The following WTAP variants were observed in gnomAD, a reference collection of about 807,000 sequenced individuals.
WTAP encodes pre-mRNA-splicing regulator WTAP.
Under a neutral mutation model 50.0 loss-of-function variants are expected in WTAP, and 8 were observed. The ratio of observed to expected loss-of-function variants is 0.16; its 90% CI spans 0.09 to 0.29. WTAP has a LOEUF of 0.29. Ranked by LOEUF, WTAP falls within the 10% of genes least tolerant of loss-of-function variation. The pLI is 1.00. For missense variants in WTAP, 295 were observed against 470.7 expected, an observed-to-expected ratio of 0.63 and a Z score of 3.45; for synonymous variants, 194 against 169.0, an observed-to-expected ratio of 1.15 and a Z score of -1.15.
At chr6:159,754,869 T>G (rs897550686) in intron 7 of WTAP, among the ~76,000 whole-genome samples, 159 bp from the exon 8 acceptor site, 4 of 152,198 alleles carry the variant, frequency 2.6e-5, no homozygotes, top group African/African-American at 9.7e-5. Flanking sequence ...TCAGTCATAT[T>G]TTAAGATTCC....
intron 7 of WTAP, among the ~76,000 whole-genome samples, chr6:159,753,938 A>C (rs972768740): frequency 7.2e-5 from 11 of 152,308 alleles, no homozygotes; most frequent in Admixed American, 5.2e-4. Context: ...TTTGAAAGGG[A>C]GAATAAGCAT....
chr6:159,747,136 C>G (rs1779622698), intron 5 of WTAP, among the ~76,000 whole-genome samples: 1 of 152,014 alleles, frequency 6.6e-6, no homozygotes, highest in African/African-American at 2.4e-5. Context: ...CTATTTAAGC[C>G]TTAGTATGGA....
intron 3 of WTAP, among the ~76,000 whole-genome samples, chr6:159,740,170 G>T (rs1779166542): frequency 6.6e-6 from 1 of 151,702 alleles, no homozygotes; most frequent in Non-Finnish European, 1.5e-5. Context: ...CCTGTCTCTG[G>T]CATTGTATAC....
intron 1 of WTAP, among the ~76,000 whole-genome samples, chr6:159,734,902 C>T (rs1200787415): frequency 6.6e-6 from 1 of 151,454 alleles, no homozygotes; most frequent in Non-Finnish European, 1.5e-5. Flanking sequence ...CACATTTTTT[C>T]TTTGTCTTTT....
At position 159,753,899 on chromosome 6, in the gene WTAP, TAAC is replaced by T. The variant is rs1427838886; in HGVS notation, c.607+288_607+290del. 2.0e-5 allele frequency among the ~76,000 whole-genome samples: 3 copies of T among 152,214 alleles called. No homozygotes were observed. In the East Asian group the frequency reaches 5.8e-4, roughly 29 times the overall value. On this transcript the variant is annotated intron_variant, in intron 7 of 7. Coordinates refer to ENST00000621533, the MANE Select transcript of WTAP (RefSeq NM_001270531.2). Reference sequence around the variant, plus strand: ...AAAGATAAAAGGGTGTTGTATTACTTAACAAGATGGACAAATTTGTATTCATTG... The same window carrying T: ...AAAGATAAAAGGGTGTTGTATTACTTAAGATGGACAAATTTGTATTCATTG...
chr6:159,750,900 G>A (rs958960773), intron 6 of WTAP, among the ~76,000 whole-genome samples: 8 of 152,252 alleles, frequency 5.3e-5, no homozygotes, highest in Non-Finnish European at 8.8e-5. Context: ...GCGTGCACGC[G>A]CACGCACGTG....
intron 7 of WTAP, 34 bp from the exon 8 acceptor site, chr6:159,754,994 G>T: frequency 6.5e-7 from 1 of 1,549,192 alleles, no homozygotes; most frequent in South Asian, 1.2e-5. Context: ...TGTTATAAAC[G>T]ATATTAAAGT....
chr6:159,744,682 G>T (rs576004388), intron 5 of WTAP, among the ~76,000 whole-genome samples: 63 of 152,232 alleles, frequency 4.1e-4, no homozygotes, highest in African/African-American at 1.5e-3. Context: ...TTTGCTAAAG[G>T]CTGGCTTTTA....
At chr6:159,729,555 TATG>T (rs1337739876) in intron 1 of WTAP, among the ~76,000 whole-genome samples, 1 of 147,768 alleles carries the variant, frequency 6.8e-6, no homozygotes, top group Non-Finnish European at 1.5e-5. Flanking sequence ...ATGTTCATAT[TATG>T]TTCATATTTT....
At chr6:159,752,379 A>G (rs1335621364) in intron 6 of WTAP, among the ~76,000 whole-genome samples, 1 of 152,176 alleles carries the variant, frequency 6.6e-6, no homozygotes, top group Non-Finnish European at 1.5e-5. Flanking sequence ...ATAAATAATT[A>G]CAAGAACAAG....
rs373161821 is a variant in WTAP, at chr6:159,755,405, G to A, written c.985G>A (p.Val329Ile). ...ERTGRGGSGYVNQLSAGYESV... is the reference protein window; with the variant it reads ...ERTGRGGSGYINQLSAGYESV... The stretch of plus-strand genomic sequence containing the variant: ...AACTGGCAGAGGAGGTAGTGGTTAC[G>A]TAAATCAACTCAGTGCGGGGTATGA... The change falls in exon 8 of 8, where the codon GTA becomes ATA. Residue 329 changes from valine to isoleucine, a missense_variant. By Grantham distance (29) the Val-to-Ile change is conservative. Around this residue, in one of 2 missense-constraint regions of WTAP, gnomAD observed 175 missense variants for 183.1 expected, o/e 0.96. Transcript: ENST00000621533. 10 of 1,614,040 alleles carry A rather than the reference G, an allele frequency of 6.2e-6. No individual in the cohort carries two copies. In the Admixed American group the frequency reaches 8.3e-5, roughly 13 times the overall value.
chr6:159,755,251 A>G lies in WTAP; in HGVS notation c.831A>G (p.Pro277=). The G allele has an allele frequency of 1.2e-6, 2 of 1,614,218 alleles. No homozygotes were observed. Among genetic ancestry groups the G allele is most frequent in the Non-Finnish European group, 8.5e-7 (1 of 1,180,032 alleles). Residue 277 remains proline (P), a synonymous_variant, in exon 8 of 8, where the codon CCA becomes CCG. Coordinates refer to ENST00000621533, the MANE Select transcript of WTAP (RefSeq NM_001270531.2). The part of the protein sequence containing the change: ...SKDCSRLTNG[P]SNGSSSRQRT... ...ACTGCAGTCGTCTGACAAACGGACC[A>G]AGTAATGGTAGCTCCTCCCGCCAGA...
At position 159,756,177 on chromosome 6, in the gene WTAP, G is replaced by A. The variant is rs1170123520; in HGVS notation, c.*566G>A. The A allele has an allele frequency of 6.6e-6, 1 of 152,642 alleles. No homozygotes were observed. Among genetic ancestry groups the A allele is most frequent in the Non-Finnish European group, 1.5e-5 (1 of 68,158 alleles). The allele number at this position is 152,642 out of a possible 1,614,324, so 9.5% of individuals were successfully genotyped here. On this transcript the variant is annotated 3_prime_UTR_variant, in exon 8 of 8. Transcript: ENST00000621533. Reference sequence around the variant, plus strand: ...ATACATCTGTGCATTTTCTCTTTAGGTGACTGTTTAAGAAATTTGTGTGCA... The same window carrying A: ...ATACATCTGTGCATTTTCTCTTTAGATGACTGTTTAAGAAATTTGTGTGCA...
At chr6:159,731,693 C>T (rs1778580270) in intron 1 of WTAP, among the ~76,000 whole-genome samples, 1 of 152,104 alleles carries the variant, frequency 6.6e-6, no homozygotes, top group Non-Finnish European at 1.5e-5. Context: ...GTGCCAGTTA[C>T]CATGCTAAAG....
intron 2 of WTAP, among the ~76,000 whole-genome samples, chr6:159,737,828 T>A (rs1779014007): frequency 6.6e-6 from 1 of 152,336 alleles, no homozygotes; most frequent in South Asian, 2.1e-4. Context: ...TATCTCACCT[T>A]TACAGCCTTT....
At chr6:159,741,360 A>G (rs987412823) in intron 3 of WTAP, among the ~76,000 whole-genome samples, 3 of 152,236 alleles carry the variant, frequency 2.0e-5, no homozygotes, top group African/African-American at 7.2e-5. Flanking sequence ...CTGTGTTTAC[A>G]GGCAGAAATT....
chr6:159,746,003 G>A (rs780629007), intron 5 of WTAP, among the ~76,000 whole-genome samples: 2 of 152,132 alleles, frequency 1.3e-5, no homozygotes, highest in African/African-American at 2.4e-5. Flanking sequence ...ATCCTACAAA[G>A]ATCAAATTTT....
In WTAP at chr6:159,739,025, A is replaced by G. The variant is rs750444904; in HGVS notation, c.66A>G (p.Ala22=). ...RLSETDFKVM[A]RDELILRWKQ... ...GTGAAACAGACTTCAAAGTTATGGCAAGAGATGAGTTAATTCTAAGGTAAA... is the reference window on the plus strand; with the variant it reads ...GTGAAACAGACTTCAAAGTTATGGCGAGAGATGAGTTAATTCTAAGGTAAA... The change falls in exon 3 of 8, where the codon GCA becomes GCG. Residue 22 remains alanine, a synonymous_variant. Coordinates refer to ENST00000621533, the MANE Select transcript of WTAP (RefSeq NM_001270531.2). 17 of 1,611,846 alleles carry G rather than the reference A, an allele frequency of 1.1e-5. No individual in the cohort carries two copies. Among genetic ancestry groups the G allele is most frequent in the Non-Finnish European group, 1.4e-5 (16 of 1,178,836 alleles).
Position 159,748,581 on chromosome 6 carries a change from T to G in WTAP, c.452+212T>G. The G allele has an allele frequency of 7.3e-7, 1 of 1,362,460 alleles. No individual in the cohort carries two copies. The highest frequency in any genetic ancestry group is 9.4e-7 in the Non-Finnish European group (1 of 1,058,230). 84.4% of individuals were successfully genotyped at this position (1,362,460 alleles called of 1,614,324 possible). Reference sequence around the variant, plus strand: ...CAGCTTTTTTCTTTTCCCCTTCCCCTTGCTTCAGAGGCCTGATGGCGTCGG... The same window carrying G: ...CAGCTTTTTTCTTTTCCCCTTCCCCGTGCTTCAGAGGCCTGATGGCGTCGG... On this transcript the variant is annotated intron_variant, in intron 6 of 7. Transcript: ENST00000621533. This position sits in a 1 kb window ranked among gnomAD's most constrained non-coding sequence, Gnocchi z 5.6.
Sources: allele counts gnomAD v4.1 joint callset (sites outside exome capture counted in the v4.1 genomes callset), GRCh38; gene constraint gnomAD v4.1.1; regional missense constraint gnomAD v4.1.1; non-coding constraint Gnocchi (gnomAD v3.1); transcripts MANE v1.5; gene names NCBI Gene and HGNC (gene_info 2026-07-23, HGNC 2026-07-21).